Variants in PPP2R1B observed in about 807,000 individuals in gnomAD.
The protein encoded by PPP2R1B is serine/threonine-protein phosphatase 2A 65 kDa regulatory subunit A beta isoform.
A neutral mutation model predicts 72.7 loss-of-function variants in PPP2R1B; 58 were observed. The ratio of observed to expected loss-of-function variants is 0.80; its 90% CI spans 0.65 to 0.99. The LOEUF (loss-of-function observed/expected upper bound fraction) is 0.99. PPP2R1B is among the 50% of genes least tolerant of loss of function. The pLI, the probability that PPP2R1B is intolerant of heterozygous loss-of-function variation, is 0.00. For synonymous variants in PPP2R1B, 256 were observed against 264.6 expected (o/e 0.97, Z 0.32); for missense variants, 695 against 733.6 (o/e 0.95, Z 0.61).
At position 111,738,359 on chromosome 11, in the gene PPP2R1B, T is replaced by A. The variant is rs1335230145; in HGVS notation, c.*3237A>T. ...AAGCACCTGACCTGTTTGGCCACCC[T>A]GCCCTGCCATCGCCACAGGGACAGA... On this transcript the variant is annotated 3_prime_UTR_variant, in exon 15 of 15. Coordinates refer to ENST00000527614, the MANE Select transcript of PPP2R1B (RefSeq NM_002716.5). 2 of 985,466 alleles carry A rather than the reference T, an allele frequency of 2.0e-6. No individual in the cohort carries two copies. Among genetic ancestry groups the A allele is most frequent in the Non-Finnish European group, 2.4e-6 (2 of 830,028 alleles). 61.0% of individuals were successfully genotyped at this position (985,466 alleles called of 1,614,324 possible). A position where few individuals can be genotyped will look rare whatever the true frequency, so the allele number is the denominator to read the frequency against.
At chr11:111,757,427 C>G (rs1414943854) in intron 5 of PPP2R1B, among the ~76,000 whole-genome samples, 1 of 152,160 alleles carries the variant, frequency 6.6e-6, no homozygotes, top group African/African-American at 2.4e-5. Context: ...CTAAAAAAGA[C>G]AGGACTAAGT....
chr11:111,735,206 G>A (rs774002999), downstream of PPP2R1B: 3 of 152,316 alleles, frequency 2.0e-5, no homozygotes, highest in Non-Finnish European at 4.4e-5. Flanking sequence ...AAAGGAAGAG[G>A]AGGAGGGTGG....
the PPP2R1B span, chr11:111,712,496 T>C: frequency 4.7e-6 from 5 of 1,060,360 alleles, no homozygotes; most frequent in Admixed American, 1.1e-4. Context: ...TCAGGAGTGA[T>C]GCTTTTGTGG....
chr11:111,695,268 C>T, the PPP2R1B span, among the ~76,000 whole-genome samples: 1 of 152,132 alleles, frequency 6.6e-6, no homozygotes, highest in South Asian at 2.1e-4. Context: ...ATCTGCTGCT[C>T]TGTAGGAGGA....
chr11:111,742,313 G>GGCGA, intron 13 of PPP2R1B, 169 bp from the exon 14 acceptor site: 1 of 754,282 alleles, frequency 1.3e-6, no homozygotes, highest in Admixed American at 3.1e-5. Context: ...AGCAAAATCA[G>GGCGA]CTTCAGACAA....
At chr11:111,764,756 T>C in intron 3 of PPP2R1B, 49 bp downstream of exon 3, 1 of 1,577,504 alleles carries the variant, frequency 6.3e-7, no homozygotes, top group South Asian at 1.1e-5. Context: ...ATGTATCATT[T>C]ATACTGCAAA....
chr11:111,720,333 G>T, the PPP2R1B span: 1 of 861,612 alleles, frequency 1.2e-6, no homozygotes. Flanking sequence ...GACTAAATTG[G>T]CCAGTAAAAG....
chr11:111,743,275 T>C, intron 12 of PPP2R1B, 101 bp downstream of exon 12: 2 of 1,181,326 alleles, frequency 1.7e-6, no homozygotes, highest in Non-Finnish European at 2.4e-6. Flanking sequence ...ATACAAGACA[T>C]ATATTCCAAA....
In PPP2R1B at chr11:111,738,480, G is replaced by A. The variant is rs371890944; in HGVS notation, c.*3116C>T. On this transcript the variant is annotated 3_prime_UTR_variant, in exon 15 of 15. Coordinates refer to ENST00000527614, the MANE Select transcript of PPP2R1B (RefSeq NM_002716.5). ...AAAAGTGCACCAGGTTAACCGCCGG[G>A]TCAGGAAGGACAGGCTTGCTTCCCT... The A allele has an allele frequency of 3.1e-5, 31 of 985,462 alleles. No homozygotes were observed. The African/African-American group carries it at 5.4e-4, about 17-fold the overall frequency. 61.0% of individuals were successfully genotyped at this position (985,462 alleles called of 1,614,324 possible). A position where few individuals can be genotyped will look rare whatever the true frequency, so the allele number is the denominator to read the frequency against.
At chr11:111,720,996 G>A in the PPP2R1B span, 59 of 1,614,038 alleles carry the variant, frequency 3.7e-5, no homozygotes, top group Admixed American at 6.7e-5. Flanking sequence ...AAATAGGACC[G>A]GAGGCAGACC....
intron 5 of PPP2R1B, among the ~76,000 whole-genome samples, chr11:111,757,814 G>A (rs569632754): frequency 2.1e-5 from 3 of 144,398 alleles, no homozygotes; most frequent in East Asian, 4.0e-4. Flanking sequence ...CAGCCTGGGC[G>A]ACAGGAGTGA....
chr11:111,724,467 T>C (rs954025660), downstream of PPP2R1B: 75 of 289,902 alleles, frequency 2.6e-4, no homozygotes, highest in Non-Finnish European at 5.2e-5. Context: ...ATCCGTTTAT[T>C]ATCAAGGGCA....
In PPP2R1B at chr11:111,740,140, T is replaced by C. The variant is rs776661304; in HGVS notation, c.*1456A>G. On this transcript the variant is annotated 3_prime_UTR_variant, in exon 15 of 15. Transcript: ENST00000527614. ...GTAACAAGCAAACCTCATAGCAAGA[T>C]GCACTGAGAGAAAAATAAACTATGG... 2.0e-4 allele frequency: 195 copies of C among 985,182 alleles called. No individual in the cohort carries two copies. Among genetic ancestry groups the C allele is most frequent in the Non-Finnish European group, 2.2e-4 (186 of 829,854 alleles). 61.0% of individuals were successfully genotyped at this position (985,182 alleles called of 1,614,324 possible).
rs201183773 is a variant in PPP2R1B, at chr11:111,759,943, C to A, written c.548G>T (p.Arg183Leu). Residue 183 changes from arginine to leucine, a missense_variant, in exon 5 of 15, where the codon CGT (arginine) becomes CTT (leucine). Physicochemically the swap from Arg to Leu is moderately radical, Grantham distance 102. Transcript: ENST00000527614. Reference sequence around the variant, plus strand: ...TGGTGTGTCATCTGAGCACAAGGAACGGAATTGCCTGCAACATAAAACAAT... The same window carrying A: ...TGGTGTGTCATCTGAGCACAAGGAAAGGAATTGCCTGCAACATAAAACAAT... The part of the protein sequence containing the change: ...AVKAEIRQQF[R>L]SLCSDDTPMV... The A allele has an allele frequency of 7.4e-6, 12 of 1,613,410 alleles. No individual in the cohort carries two copies. Among genetic ancestry groups the A allele is most frequent in the Non-Finnish European group, 9.3e-6 (11 of 1,179,750 alleles).
intron 10 of PPP2R1B, among the ~76,000 whole-genome samples, chr11:111,751,326 C>T (rs1555047858): frequency 6.6e-6 from 1 of 152,034 alleles, no homozygotes; most frequent in African/African-American, 2.4e-5. Flanking sequence ...TCTTAAGTCA[C>T]AAAGGCATTA....
At chr11:111,724,072 T>C, downstream of PPP2R1B, 6 of 1,613,874 alleles carry the variant, frequency 3.7e-6, no homozygotes, top group Non-Finnish European at 5.1e-6. Context: ...GACTCTTTGA[T>C]TGTGAAATGC....
At chr11:111,694,907 A>T in the PPP2R1B span, among the ~76,000 whole-genome samples, 1 of 152,180 alleles carries the variant, frequency 6.6e-6, no homozygotes, top group Admixed American at 6.5e-5. Flanking sequence ...TAGATGTCTT[A>T]CATTGGTCAG....
chr11:111,763,769 G>A (rs948595966), intron 3 of PPP2R1B, among the ~76,000 whole-genome samples: 4 of 151,922 alleles, frequency 2.6e-5, no homozygotes, highest in Non-Finnish European at 4.4e-5. Flanking sequence ...GTTTTGTTTT[G>A]GGTATGTTAA....
At chr11:111,689,320 G>A in the PPP2R1B span, among the ~76,000 whole-genome samples, 5 of 152,182 alleles carry the variant, frequency 3.3e-5, no homozygotes, top group African/African-American at 1.2e-4. Context: ...GTGGAATTGG[G>A]ATAACATGAT....
Sources: gnomAD v4.1 joint callset for allele counts (sites outside exome capture counted in the v4.1 genomes callset) on GRCh38, gnomAD v4.1.1 for gene constraint, MANE v1.5 for transcripts, NCBI Gene and HGNC (gene_info 2026-07-23, HGNC 2026-07-21) for gene names.